The following GSG1L variants were observed in gnomAD, a reference collection of about 807,000 sequenced individuals.
GSG1L encodes germ cell-specific gene 1-like protein.
Under a neutral mutation model 42.1 loss-of-function variants are expected in GSG1L, and 24 were observed. That is an observed-to-expected ratio of 0.57 (90% confidence interval 0.41 to 0.80). GSG1L has a LOEUF of 0.80. Ranked by LOEUF, GSG1L falls within the 30% of genes least tolerant of loss-of-function variation. The probability of loss-of-function intolerance (pLI) is 0.00; values close to 1 mark genes in which losing one functional copy is unlikely to be tolerated. For synonymous variants in GSG1L, 215 were observed against 203.5 expected, an observed-to-expected ratio of 1.06 and a Z score of -0.48; for missense variants, 445 against 472.2, an observed-to-expected ratio of 0.94 and a Z score of 0.53.
At chr16:27,939,064 G>T (rs967464032) in intron 2 of GSG1L, among the ~76,000 whole-genome samples, 1 of 151,706 alleles carries the variant, frequency 6.6e-6, no homozygotes, top group African/African-American at 2.4e-5. Context: ...CATTCCAACT[G>T]CAAAAAAAGA....
At chr16:27,859,335 G>A (rs1204389812) in intron 3 of GSG1L, among the ~76,000 whole-genome samples, 1 of 152,216 alleles carries the variant, frequency 6.6e-6, no homozygotes, top group Non-Finnish European at 1.5e-5. Flanking sequence ...TTGGGACCTA[G>A]GCCATATATG....
At chr16:27,804,196 C>T (rs537428034) in intron 6 of GSG1L, among the ~76,000 whole-genome samples, 17 of 152,214 alleles carry the variant, frequency 1.1e-4, no homozygotes, top group South Asian at 2.1e-4. Flanking sequence ...CACTGCATAG[C>T]GAACTCCGTC....
intron 2 of GSG1L, among the ~76,000 whole-genome samples, chr16:27,947,581 GAAA>G (rs1567530901): frequency 1.4e-4 from 15 of 103,922 alleles, no homozygotes; most frequent in African/African-American, 5.0e-4. Flanking sequence ...AAGAAAGAAA[GAAA>G]GAAAGAAAGA....
At chr16:27,803,453 G>A (rs539196314) in intron 6 of GSG1L, among the ~76,000 whole-genome samples, 152 of 152,154 alleles carry the variant, frequency 1.0e-3, no homozygotes, top group African/African-American at 3.2e-3. Context: ...TTGACTGGTC[G>A]CCTTTGTCTC....
chr16:27,797,821 CAAAAAAAA>C (rs59207468), intron 6 of GSG1L, among the ~76,000 whole-genome samples: 2 of 77,188 alleles, frequency 2.6e-5, no homozygotes, highest in East Asian at 4.9e-4. Flanking sequence ...GACTCCATCT[CAAAAAAAA>C]AAAAAAAAAA....
chr16:28,021,093 A>G (rs1326342765), intron 1 of GSG1L, among the ~76,000 whole-genome samples: 1 of 152,202 alleles, frequency 6.6e-6, no homozygotes, highest in African/African-American at 2.4e-5. Flanking sequence ...ACATGGCTAT[A>G]AAGAGATACC....
chr16:27,819,213 G>A (rs998647264), intron 5 of GSG1L, among the ~76,000 whole-genome samples: 1 of 151,140 alleles, frequency 6.6e-6, no homozygotes, highest in African/African-American at 2.4e-5. Flanking sequence ...TCACGCCACT[G>A]CACTCCAGCC....
intron 2 of GSG1L, among the ~76,000 whole-genome samples, chr16:27,908,698 C>T (rs2084347996): frequency 1.3e-5 from 2 of 152,190 alleles, no homozygotes; most frequent in Admixed American, 1.3e-4. Flanking sequence ...CAGCATTAAT[C>T]CATTCATGAG....
At chr16:27,861,272 GAGGCTA>G (rs1465295512) in intron 3 of GSG1L, among the ~76,000 whole-genome samples, 4 of 152,080 alleles carry the variant, frequency 2.6e-5, no homozygotes, top group Admixed American at 2.6e-4. Context: ...AGCTACTCAG[GAGGCTA>G]AGGCACGAGA....
rs144549787 is a variant in GSG1L, at chr16:27,929,265, G to A, written c.397+33891C>T. ...TTCTTCTGTTAACAGCTGACTTAGG[G>A]AACTATGCCTCCCCAACCCTCGGTC... is the stretch of plus-strand genomic sequence containing the variant. On this transcript the variant is annotated intron_variant, in intron 2 of 6. Coordinates refer to ENST00000447459, the MANE Select transcript of GSG1L (RefSeq NM_001109763.2). Among the ~76,000 whole-genome samples, 1,503 of 152,260 alleles carry A rather than the reference G, an allele frequency of 9.9e-3. 22 individuals carry two copies. The highest frequency in any genetic ancestry group is 0.014 in the Middle Eastern group (4 of 294).
chr16:28,049,809 C>A (rs1355881774), intron 1 of GSG1L, among the ~76,000 whole-genome samples: 1 of 152,198 alleles, frequency 6.6e-6, no homozygotes, highest in East Asian at 1.9e-4. Flanking sequence ...CTCTTACAGT[C>A]GTTCAGGACT....
intron 1 of GSG1L, among the ~76,000 whole-genome samples, chr16:27,968,406 C>T: frequency 6.6e-6 from 1 of 152,044 alleles, no homozygotes; most frequent in Non-Finnish European, 1.5e-5. Context: ...CATACCACCA[C>T]ATCTGGCTAG....
At chr16:27,989,461 C>A (rs1029875327) in intron 1 of GSG1L, among the ~76,000 whole-genome samples, 1 of 151,988 alleles carries the variant, frequency 6.6e-6, no homozygotes, top group African/African-American at 2.4e-5. Flanking sequence ...TTATACGGAC[C>A]AGGAGCGGTG....
chr16:27,814,834 G>A (rs2083076235), intron 5 of GSG1L, among the ~76,000 whole-genome samples: 2 of 152,180 alleles, frequency 1.3e-5, no homozygotes, highest in South Asian at 4.1e-4. Flanking sequence ...TGAAAAAGGA[G>A]CAATGGTAAA....
intron 2 of GSG1L, among the ~76,000 whole-genome samples, chr16:27,945,616 T>C (rs2084852162): frequency 6.6e-6 from 1 of 152,162 alleles, no homozygotes; most frequent in African/African-American, 2.4e-5. Flanking sequence ...AGCAGACGCC[T>C]GAGCAAAGTA....
chr16:27,834,131 G>A (rs1173952461), intron 4 of GSG1L, among the ~76,000 whole-genome samples: 1 of 152,030 alleles, frequency 6.6e-6, no homozygotes, highest in African/African-American at 2.4e-5. Context: ...TTTTCTGAGA[G>A]TTTTTTAAAA....
intron 1 of GSG1L, among the ~76,000 whole-genome samples, chr16:28,006,948 C>CA (rs935730369): frequency 6.6e-6 from 1 of 151,882 alleles, no homozygotes; most frequent in African/African-American, 2.4e-5. Flanking sequence ...TAAAAGCAGA[C>CA]AAAAAAAGCC....
rs2083624823 is a variant in GSG1L at position 27,860,013 on chromosome 16, C to T, written c.551-14952G>A. 2.2e-5 allele frequency among the ~76,000 whole-genome samples: 3 copies of T among 135,514 alleles called. No homozygotes were observed. In the Admixed American group the frequency reaches 2.2e-4, roughly 10 times the overall value. The allele number at this position is 135,514 out of a possible 152,430, so 88.9% of individuals were successfully genotyped here. ...CCTGTCTTCTGAGGAAGGCCTGTGA[C>T]TCTGGCAGGTGCTCCCAGCAGGGGC... On this transcript the variant is annotated intron_variant, in intron 3 of 6. Coordinates refer to ENST00000447459, the MANE Select transcript of GSG1L (RefSeq NM_001109763.2).
At chr16:27,951,924 G>A (rs2084954622) in intron 2 of GSG1L, among the ~76,000 whole-genome samples, 1 of 152,174 alleles carries the variant, frequency 6.6e-6, no homozygotes, top group South Asian at 2.1e-4. Context: ...TGACCATGGA[G>A]CCAACCACAT....
Sources: gnomAD v4.1 joint callset for allele counts (sites outside exome capture counted in the v4.1 genomes callset) on GRCh38, gnomAD v4.1.1 for gene constraint, MANE v1.5 for transcripts, NCBI Gene and HGNC (gene_info 2026-07-23, HGNC 2026-07-21) for gene names.